ATE1: variants seen among roughly 807,000 people sequenced by gnomAD.
ATE1 encodes arginyltransferase 1.
ATE1 carries 36 observed loss-of-function variants against 70.5 expected under a neutral mutation model. The ratio of observed to expected loss-of-function variants is 0.51; its 90% CI spans 0.39 to 0.67. The LOEUF (loss-of-function observed/expected upper bound fraction) is 0.67. Among genes scored for constraint, ATE1 ranks in the 30% least tolerant of loss-of-function variants. The pLI is 0.00. For missense variants in ATE1, 593 were observed against 629.5 expected (o/e 0.94, Z 0.62); for synonymous variants, 232 against 219.3 (o/e 1.06, Z -0.51).
At chr10:121,812,942 TTAGA>T (rs1203344613) in intron 10 of ATE1, among the ~76,000 whole-genome samples, 1 of 152,226 alleles carries the variant, frequency 6.6e-6, no homozygotes, top group Non-Finnish European at 1.5e-5. Context: ...CCTCTGTTTC[TTAGA>T]TAGGACAGTC....
chr10:121,907,173 G>A (rs556985298), intron 5 of ATE1, among the ~76,000 whole-genome samples: 1 of 152,292 alleles, frequency 6.6e-6, no homozygotes, highest in East Asian at 1.9e-4. Context: ...AAAAAGGTAT[G>A]GCTGGGCACG....
At chr10:121,907,293 A>G (rs1951233453) in intron 5 of ATE1, among the ~76,000 whole-genome samples, 1 of 151,934 alleles carries the variant, frequency 6.6e-6, no homozygotes, top group Non-Finnish European at 1.5e-5. Context: ...CATTTCTACT[A>G]AAAGTACCTA....
intron 7 of ATE1, among the ~76,000 whole-genome samples, chr10:121,890,105 T>C (rs1337772250): frequency 6.6e-6 from 1 of 152,052 alleles, no homozygotes; most frequent in Non-Finnish European, 1.5e-5. Flanking sequence ...ACTTTTCTGT[T>C]CAAAAACTCC....
At chr10:121,747,718 C>A (rs1944426471) in intron 11 of ATE1, among the ~76,000 whole-genome samples, 2 of 152,196 alleles carry the variant, frequency 1.3e-5, no homozygotes, top group Non-Finnish European at 1.5e-5. Flanking sequence ...CTGCTTAGAT[C>A]CTGATACACA....
intron 11 of ATE1, among the ~76,000 whole-genome samples, chr10:121,784,553 T>TA (rs1175458893): frequency 4.6e-5 from 7 of 151,058 alleles, no homozygotes; most frequent in East Asian, 3.9e-4. Flanking sequence ...AATAAGTGGC[T>TA]AAAAAAAAAT....
chr10:121,885,665 G>T (rs1950371942), intron 7 of ATE1, among the ~76,000 whole-genome samples: 1 of 151,900 alleles, frequency 6.6e-6, no homozygotes, highest in Non-Finnish European at 1.5e-5. Flanking sequence ...GGCCAAGGCA[G>T]GCAGGCAGGC....
chr10:121,898,026 TA>T (rs941142387), intron 7 of ATE1, among the ~76,000 whole-genome samples: 1 of 151,852 alleles, frequency 6.6e-6, no homozygotes, highest in African/African-American at 2.4e-5. Flanking sequence ...ATCGTGTCAT[TA>T]AAAAAACAAA....
At chr10:121,801,560 A>G (rs892501561) in intron 10 of ATE1, among the ~76,000 whole-genome samples, 2 of 152,044 alleles carry the variant, frequency 1.3e-5, no homozygotes, top group Non-Finnish European at 2.9e-5. Context: ...TAATATAAAG[A>G]GAGAAAGAAA....
intron 11 of ATE1, among the ~76,000 whole-genome samples, chr10:121,751,178 T>C (rs1051290512): frequency 6.6e-6 from 1 of 152,242 alleles, no homozygotes; most frequent in African/African-American, 2.4e-5. Flanking sequence ...AGTAATACTG[T>C]TGTAATTTCA....
intron 10 of ATE1, among the ~76,000 whole-genome samples, chr10:121,816,678 C>G (rs1947557146): frequency 6.6e-6 from 1 of 152,210 alleles, no homozygotes; most frequent in Admixed American, 6.5e-5. Context: ...TCTTAAACTT[C>G]CCAGTCTTCA....
intron 11 of ATE1, among the ~76,000 whole-genome samples, chr10:121,775,084 G>A (rs577085190): frequency 3.3e-5 from 5 of 152,076 alleles, no homozygotes; most frequent in East Asian, 3.9e-4. Context: ...TTAAACATAC[G>A]GTACACAGTT....
chr10:121,876,355 A>C (rs117933296), intron 7 of ATE1, among the ~76,000 whole-genome samples: 3,087 of 152,314 alleles, frequency 0.02, 49 homozygotes, highest in Non-Finnish European at 0.033. Flanking sequence ...ATATCTTTTT[A>C]CTATTTTTTG....
chr10:121,865,749 C>T lies in ATE1; in HGVS notation c.975+4257G>A, dbSNP rs574093208. 1.3e-5 allele frequency among the ~76,000 whole-genome samples: 2 copies of T among 152,270 alleles called. 1 individual carries two copies. Among genetic ancestry groups the T allele is most frequent in the South Asian group, 4.1e-4 (2 of 4,824 alleles). On this transcript the variant is annotated intron_variant, in intron 8 of 11. Coordinates refer to ENST00000224652, the MANE Select transcript of ATE1 (RefSeq NM_001001976.3). Reference sequence around the variant, plus strand: ...ATGAGCTCTATTAGTCTTCAGCTTACAGGAATGTAAAAGGGTCAGCCCCAC... The same window carrying T: ...ATGAGCTCTATTAGTCTTCAGCTTATAGGAATGTAAAAGGGTCAGCCCCAC...
intron 7 of ATE1, among the ~76,000 whole-genome samples, chr10:121,882,500 A>G (rs1449575817): frequency 1.3e-5 from 2 of 152,218 alleles, no homozygotes; most frequent in Non-Finnish European, 2.9e-5. Context: ...TTGTATACAA[A>G]TGAGGAACCT....
At chr10:121,772,259 G>A (rs1402220660) in intron 11 of ATE1, among the ~76,000 whole-genome samples, 3 of 152,208 alleles carry the variant, frequency 2.0e-5, no homozygotes, top group Admixed American at 6.5e-5. Context: ...CCAACTACCC[G>A]CTTTTATCAA....
In ATE1 at chr10:121,899,991, T is replaced by C. The variant is rs1337387586; in HGVS notation, c.817A>G (p.Arg273Gly). 1.2e-6 allele frequency: 2 copies of C among 1,612,816 alleles called. No individual in the cohort carries two copies. Among genetic ancestry groups the C allele is most frequent in the Non-Finnish European group, 1.7e-6 (2 of 1,179,342 alleles). Residue 273 changes from arginine to glycine, a missense_variant, in exon 7 of 12, where the codon AGG (arginine) becomes GGG (glycine). Around this residue, in one of 3 missense-constraint regions of ATE1, gnomAD observed 467 missense variants for 469.6 expected, o/e 0.99. Coordinates refer to ENST00000224652, the MANE Select transcript of ATE1 (RefSeq NM_001001976.3). The stretch of plus-strand genomic sequence containing the variant: ...CTTGGTGGAGATGATCTCACCACCC[T>C]CACCTTCAGAAGCAGTTAAAAAAAC... ...PENASHKLEV[R>G]VVRSSPPSSQ...
rs144712522 is a variant in ATE1 at position 121,870,832 on chromosome 10, C to T, written c.943-794G>A. 7.1e-3 allele frequency among the ~76,000 whole-genome samples: 1,082 copies of T among 152,242 alleles called. 25 individuals carry two copies. The highest frequency in any genetic ancestry group is 0.025 in the African/African-American group (1,020 of 41,536). ...CACATAACTTCATGCATATACATGA[C>T]GGTAATTCATAATGTTTTCATTGTT... is the stretch of plus-strand genomic sequence containing the variant. On this transcript the variant is annotated intron_variant, in intron 7 of 11. Transcript: ENST00000224652.
intron 11 of ATE1, among the ~76,000 whole-genome samples, chr10:121,782,933 T>C (rs1331358909): frequency 1.3e-5 from 2 of 152,200 alleles, no homozygotes; most frequent in Admixed American, 6.5e-5. Context: ...CTGGCTCTCC[T>C]TGCTCCTCAG....
At chr10:121,917,106 T>C (rs1951691661) in intron 3 of ATE1, among the ~76,000 whole-genome samples, 1 of 151,422 alleles carries the variant, frequency 6.6e-6, no homozygotes, top group South Asian at 2.1e-4. Flanking sequence ...GAGGTTGCAG[T>C]GAACTGAGAT....
Sources: allele counts gnomAD v4.1 joint callset (sites outside exome capture counted in the v4.1 genomes callset), GRCh38; gene constraint gnomAD v4.1.1; regional missense constraint gnomAD v4.1.1; transcripts MANE v1.5; gene names NCBI Gene and HGNC (gene_info 2026-07-23, HGNC 2026-07-21).